CPEB2: variants seen among roughly 807,000 people sequenced by gnomAD.
CPEB2 encodes cytoplasmic polyadenylation element binding protein 2.
Under a neutral mutation model 93.6 loss-of-function variants are expected in CPEB2, and 56 were observed. The ratio of observed to expected loss-of-function variants is 0.60; its 90% CI spans 0.48 to 0.75. CPEB2 has a LOEUF of 0.75. Ranked by LOEUF, CPEB2 falls within the 30% of genes least tolerant of loss-of-function variation. The pLI, the probability that CPEB2 is intolerant of heterozygous loss-of-function variation, is 0.00. For missense variants in CPEB2, 1,579 were observed against 1,395.1 expected, an observed-to-expected ratio of 1.13 and a Z score of -2.10; for synonymous variants, 764 against 586.3, an observed-to-expected ratio of 1.30 and a Z score of -4.38.
chr4:15,027,410 T>A (rs1345967468), intron 4 of CPEB2, among the ~76,000 whole-genome samples: 1 of 152,156 alleles, frequency 6.6e-6, no homozygotes, highest in East Asian at 1.9e-4. Context: ...GATCTAAGGG[T>A]CTTTTCTGCG....
At chr4:15,043,609 C>T (rs532358274) in intron 6 of CPEB2, among the ~76,000 whole-genome samples, 2 of 152,074 alleles carry the variant, frequency 1.3e-5, no homozygotes, top group East Asian at 1.9e-4. Context: ...AATTTAAGTT[C>T]GATCCTTTCA....
Position 15,057,059 on chromosome 4 carries a change from A to G in CPEB2, c.2462-1362A>G, listed in dbSNP as rs1221151173. On this transcript the variant is annotated intron_variant, in intron 8 of 11. Coordinates refer to ENST00000538197, the MANE Select transcript of CPEB2 (RefSeq NM_001177382.2). ...ATTAAAATATTGAATTTAATATACT[A>G]TTTTAGTAAATTGGTCTTATATCCT... 1.3e-5 allele frequency among the ~76,000 whole-genome samples: 2 copies of G among 152,102 alleles called. 1 individual carries two copies. The highest frequency in any genetic ancestry group is 2.9e-5 in the Non-Finnish European group (2 of 68,000).
chr4:15,008,877 T>C (rs975107533), intron 3 of CPEB2, among the ~76,000 whole-genome samples: 4 of 152,216 alleles, frequency 2.6e-5, no homozygotes, highest in Non-Finnish European at 4.4e-5. Flanking sequence ...AGACTTCTCT[T>C]GGTTCAGTTT....
At position 15,003,622 on chromosome 4, in the gene CPEB2, C is replaced by A; in HGVS notation, c.949C>A (p.Pro317Thr). The A allele has an allele frequency of 6.7e-7, 1 of 1,481,652 alleles. No homozygotes were observed. The highest frequency in any genetic ancestry group is 8.9e-7 in the Non-Finnish European group (1 of 1,120,644). The allele number at this position is 1,481,652 out of a possible 1,614,324, so 91.8% of individuals were successfully genotyped here. ...VNPAPGSMES[P>T]NHPLLNSPSN... is the part of the protein sequence containing the mutation. ...CCCCGCGCCGGGCTCCATGGAGTCC[C>A]CCAACCACCCTCTGCTCAACAGTCC... The change falls in exon 1 of 12, where the codon CCC becomes ACC. Residue 317 changes from proline (P) to threonine (T), a missense_variant. By Grantham distance (38) the Pro-to-Thr change is conservative. Transcript: ENST00000538197.
intron 4 of CPEB2, among the ~76,000 whole-genome samples, chr4:15,023,790 T>C (rs2109006600): frequency 6.6e-6 from 1 of 151,940 alleles, no homozygotes; most frequent in East Asian, 1.9e-4. Context: ...TTGTAAATAA[T>C]ATGCTTGTGC....
chr4:15,037,229 G>A (rs1395258960), intron 5 of CPEB2, among the ~76,000 whole-genome samples: 1 of 151,914 alleles, frequency 6.6e-6, no homozygotes, highest in African/African-American at 2.4e-5. Flanking sequence ...GTGAACCCCG[G>A]GAGTTGGAGC....
chr4:15,021,568 C>T (rs1204268032), intron 4 of CPEB2, among the ~76,000 whole-genome samples: 2 of 151,990 alleles, frequency 1.3e-5, no homozygotes, highest in East Asian at 3.9e-4. Flanking sequence ...AGTATAGGGA[C>T]AAACAGAATT....
intron 3 of CPEB2, among the ~76,000 whole-genome samples, chr4:15,014,037 G>A (rs1403864781): frequency 6.6e-6 from 1 of 151,952 alleles, no homozygotes; most frequent in Non-Finnish European, 1.5e-5. Flanking sequence ...GTTTAAGGAT[G>A]TTTCTCTTTC....
intron 9 of CPEB2, among the ~76,000 whole-genome samples, chr4:15,058,905 T>A (rs933030065): frequency 3.9e-5 from 6 of 152,168 alleles, no homozygotes; most frequent in African/African-American, 1.4e-4. Context: ...ATCTAATGCC[T>A]GATGATCTGA....
intron 4 of CPEB2, among the ~76,000 whole-genome samples, chr4:15,030,023 T>C (rs1485656212): frequency 1.3e-5 from 2 of 152,086 alleles, no homozygotes; most frequent in African/African-American, 4.8e-5. Flanking sequence ...TTTTTTACTC[T>C]GGGAAGCTCT....
intron 3 of CPEB2, among the ~76,000 whole-genome samples, chr4:15,013,326 T>C (rs1723724581): frequency 6.6e-6 from 1 of 152,050 alleles, no homozygotes; most frequent in African/African-American, 2.4e-5. Context: ...TTTTATATTT[T>C]AGAATAGATT....
intron 3 of CPEB2, among the ~76,000 whole-genome samples, chr4:15,010,046 T>C (rs1471311354): frequency 6.6e-6 from 1 of 152,202 alleles, no homozygotes; most frequent in East Asian, 1.9e-4. Context: ...TTTGGACTTT[T>C]GAGCCAGAGG....
chr4:15,068,678 G>A lies in CPEB2; in HGVS notation c.*2298G>A, dbSNP rs1023289321. ...GTTTAAAATTGAAGAGCCTTTTCATGTATTAAATAATGAACACAAATTATA... is the reference window on the plus strand; with the variant it reads ...GTTTAAAATTGAAGAGCCTTTTCATATATTAAATAATGAACACAAATTATA... On this transcript the variant is annotated 3_prime_UTR_variant, in exon 12 of 12. Transcript: ENST00000538197. 6.6e-6 allele frequency: 1 copy of A among 152,178 alleles called. No homozygotes were observed. The highest frequency in any genetic ancestry group is 2.4e-5 in the African/African-American group (1 of 41,392). 9.4% of individuals were successfully genotyped at this position (152,178 alleles called of 1,614,324 possible).
intron 3 of CPEB2, among the ~76,000 whole-genome samples, chr4:15,011,775 A>G (rs754591417): frequency 6.6e-6 from 1 of 152,218 alleles, no homozygotes; most frequent in African/African-American, 2.4e-5. Flanking sequence ...CTCACTGTAA[A>G]CAAAGTAATG....
intron 6 of CPEB2, among the ~76,000 whole-genome samples, chr4:15,046,774 A>C (rs1426938012): frequency 2.6e-5 from 4 of 152,106 alleles, no homozygotes; most frequent in Non-Finnish European, 5.9e-5. Flanking sequence ...ATTGCTTGCC[A>C]TCCACTTTTT....
At chr4:15,013,156 G>A (rs1013926107) in intron 3 of CPEB2, among the ~76,000 whole-genome samples, 1 of 151,862 alleles carries the variant, frequency 6.6e-6, no homozygotes, top group African/African-American at 2.4e-5. Flanking sequence ...AGTGTTTGTG[G>A]CAAATGTCTG....
intron 4 of CPEB2, among the ~76,000 whole-genome samples, chr4:15,021,387 T>A (rs1017629539): frequency 1.3e-5 from 2 of 152,210 alleles, no homozygotes; most frequent in African/African-American, 4.8e-5. Context: ...TTTGCATACC[T>A]ATTTTAAATA....
At position 15,003,672 on chromosome 4, in the gene CPEB2, G is replaced by A. The variant is rs1722331567; in HGVS notation, c.999G>A (p.Ala333=). The change falls in exon 1 of 12, where the codon GCG becomes GCA. Residue 333 remains alanine (A), a synonymous_variant. Coordinates refer to ENST00000538197, the MANE Select transcript of CPEB2 (RefSeq NM_001177382.2). ...CCAGTAACCTCCTGCCCGGAGGTGC[G>A]CTTGGCGCGGGCGCCTTCAGCAGCC... ...NSPSNLLPGG[A]LGAGAFSSLQ... The A allele has an allele frequency of 6.8e-7, 1 of 1,465,958 alleles. No individual in the cohort carries two copies. The highest frequency in any genetic ancestry group is 1.3e-5 in the South Asian group (1 of 77,670). 90.8% of individuals were successfully genotyped at this position (1,465,958 alleles called of 1,614,324 possible).
chr4:15,012,091 T>C (rs2108970095), intron 3 of CPEB2, among the ~76,000 whole-genome samples: 1 of 152,354 alleles, frequency 6.6e-6, no homozygotes, highest in African/African-American at 2.4e-5. Flanking sequence ...AAACCCAATT[T>C]GTTTATCTGA....
Sources: gnomAD v4.1 joint callset for allele counts (sites outside exome capture counted in the v4.1 genomes callset) on GRCh38, gnomAD v4.1.1 for gene constraint, MANE v1.5 for transcripts, NCBI Gene and HGNC (gene_info 2026-07-23, HGNC 2026-07-21) for gene names.